The following OPCML variants were observed in gnomAD, a reference collection of about 807,000 sequenced individuals.
OPCML encodes the protein opioid-binding protein/cell adhesion molecule.
In OPCML, 13 loss-of-function variants were observed where a neutral mutation model predicts 37.8. The observed-to-expected ratio is 0.34, with a 90% confidence interval of 0.22 to 0.55. The LOEUF is 0.55. Ranked by LOEUF, OPCML falls within the 20% of genes least tolerant of loss-of-function variation. The pLI, the probability that OPCML is intolerant of heterozygous loss-of-function variation, is 0.91. For missense variants in OPCML, 341 were observed against 435.6 expected, an observed-to-expected ratio of 0.78 and a Z score of 1.93; for synonymous variants, 176 against 168.8, an observed-to-expected ratio of 1.04 and a Z score of -0.33.
intron 1 of OPCML, chr11:133,006,710 G>T (rs555749940): frequency 1.0e-6 from 1 of 985,306 alleles, no homozygotes; most frequent in African/African-American, 1.7e-5. Context: ...TGCTAGAATT[G>T]TTCCAGCACC....
At chr11:132,986,933 G>A (rs1413444877) in intron 1 of OPCML, among the ~76,000 whole-genome samples, 2 of 152,106 alleles carry the variant, frequency 1.3e-5, no homozygotes, top group East Asian at 3.9e-4. Context: ...ACTCTTACAG[G>A]TTATCCAAGC....
intron 1 of OPCML, among the ~76,000 whole-genome samples, chr11:133,378,678 T>C (rs977159038): frequency 4.6e-5 from 7 of 151,632 alleles, no homozygotes; most frequent in African/African-American, 1.7e-4. Flanking sequence ...TTCTTTTCTT[T>C]TCTTTCTTTC....
At chr11:133,115,589 C>T (rs1949321795) in intron 1 of OPCML, among the ~76,000 whole-genome samples, 1 of 152,182 alleles carries the variant, frequency 6.6e-6, no homozygotes, top group African/African-American at 2.4e-5. Flanking sequence ...TTTCGTATCA[C>T]TTTGGGAAAT....
At chr11:132,459,832 A>G (rs909537517) in intron 4 of OPCML, among the ~76,000 whole-genome samples, 2 of 152,204 alleles carry the variant, frequency 1.3e-5, no homozygotes, top group Non-Finnish European at 2.9e-5. Context: ...GAAAGCAAAT[A>G]CAAGTTTTCC....
At chr11:132,622,766 G>A (rs945580163) in intron 3 of OPCML, among the ~76,000 whole-genome samples, 4 of 152,190 alleles carry the variant, frequency 2.6e-5, no homozygotes, top group African/African-American at 9.6e-5. Context: ...TTGCGCTTTG[G>A]AGGCTGTAGT....
At chr11:133,368,624 C>A (rs1388213363) in intron 1 of OPCML, among the ~76,000 whole-genome samples, 1 of 152,178 alleles carries the variant, frequency 6.6e-6, no homozygotes, top group Non-Finnish European at 1.5e-5. Context: ...CACCACAGAT[C>A]TTCTTGCTGG....
chr11:133,184,580 T>C (rs754326473), intron 1 of OPCML, among the ~76,000 whole-genome samples: 1 of 152,138 alleles, frequency 6.6e-6, no homozygotes, highest in Non-Finnish European at 1.5e-5. Flanking sequence ...CCCTCCGTTA[T>C]CTACTCATAA....
At chr11:133,412,080 G>A (rs1945664082) in intron 1 of OPCML, among the ~76,000 whole-genome samples, 1 of 152,208 alleles carries the variant, frequency 6.6e-6, no homozygotes, top group Non-Finnish European at 1.5e-5. Context: ...AATTTGAGGA[G>A]AATGCAACAC....
At chr11:133,172,018 A>C (rs138881117) in intron 1 of OPCML, among the ~76,000 whole-genome samples, 1 of 152,358 alleles carries the variant, frequency 6.6e-6, no homozygotes, top group Non-Finnish European at 1.5e-5. Flanking sequence ...AATACATAGC[A>C]GAAGCTCCCT....
intron 1 of OPCML, among the ~76,000 whole-genome samples, chr11:133,232,428 A>G (rs1278701563): frequency 6.6e-6 from 1 of 152,236 alleles, no homozygotes; most frequent in Admixed American, 6.5e-5. Context: ...ATTGTGAGGC[A>G]TAAGTGACAT....
chr11:132,799,190 A>G (rs963135866), intron 2 of OPCML, among the ~76,000 whole-genome samples: 1 of 152,170 alleles, frequency 6.6e-6, no homozygotes, highest in African/African-American at 2.4e-5. Context: ...ATCTTCTTCC[A>G]ATACAAAGCT....
At chr11:133,199,607 C>T (rs1425629791) in intron 1 of OPCML, among the ~76,000 whole-genome samples, 1 of 152,158 alleles carries the variant, frequency 6.6e-6, no homozygotes, top group East Asian at 1.9e-4. Context: ...CTTGGTTCCA[C>T]TTGTACATTT....
At chr11:132,435,692 C>A (rs2136733976) in intron 7 of OPCML, among the ~76,000 whole-genome samples, 1 of 152,298 alleles carries the variant, frequency 6.6e-6, no homozygotes, top group Middle Eastern at 3.4e-3. Context: ...ACATGAGAAT[C>A]ATGATGGAAG....
intron 1 of OPCML, among the ~76,000 whole-genome samples, chr11:133,220,594 C>A (rs1471716213): frequency 6.6e-6 from 1 of 152,192 alleles, no homozygotes; most frequent in South Asian, 2.1e-4. Context: ...GGAACGCAGG[C>A]ACTTTCAGCC....
At chr11:133,046,878 C>G (rs754129353) in intron 1 of OPCML, among the ~76,000 whole-genome samples, 1 of 152,164 alleles carries the variant, frequency 6.6e-6, no homozygotes, top group Admixed American at 6.5e-5. Context: ...CAGTGACACC[C>G]CTGCTGCCTT....
chr11:133,106,811 G>A (rs535972565), intron 1 of OPCML, among the ~76,000 whole-genome samples: 1 of 152,298 alleles, frequency 6.6e-6, no homozygotes, highest in Admixed American at 6.5e-5. Context: ...TACTTCAGAA[G>A]CACAGCGCTT....
At chr11:133,126,329 C>A (rs1051317612) in intron 1 of OPCML, among the ~76,000 whole-genome samples, 1 of 152,136 alleles carries the variant, frequency 6.6e-6, no homozygotes, top group Non-Finnish European at 1.5e-5. Context: ...CCTCGATGGA[C>A]TGGATGATGC....
At chr11:133,485,297 T>G (rs1947503038) in intron 1 of OPCML, among the ~76,000 whole-genome samples, 1 of 152,192 alleles carries the variant, frequency 6.6e-6, no homozygotes, top group South Asian at 2.1e-4. Flanking sequence ...CATCAAAATG[T>G]GTGACATACC....
intron 2 of OPCML, among the ~76,000 whole-genome samples, chr11:132,885,289 C>T (rs898088443): frequency 1.3e-4 from 20 of 152,310 alleles, no homozygotes; most frequent in Admixed American, 1.0e-3. Flanking sequence ...TGGGTCCTTA[C>T]TAGAAAGGAG....
Sources: allele counts gnomAD v4.1 joint callset (sites outside exome capture counted in the v4.1 genomes callset), GRCh38; gene constraint gnomAD v4.1.1; transcripts MANE v1.5; gene names NCBI Gene and HGNC (gene_info 2026-07-23, HGNC 2026-07-21).